Variants in DPT observed in about 807,000 individuals in gnomAD.
DPT encodes dermatopontin.
DPT carries 21 observed loss-of-function variants against 31.2 expected under a neutral mutation model. The ratio of observed to expected loss-of-function variants is 0.67; its 90% confidence interval spans 0.48 to 0.97. The LOEUF (loss-of-function observed/expected upper bound fraction) is 0.97, where lower values mean the gene tolerates loss of function less well. Among genes scored for constraint, DPT ranks in the 50% least tolerant of loss-of-function variants. The pLI, the probability that DPT is intolerant of heterozygous loss-of-function variation, is 0.00. For synonymous variants in DPT, 91 were observed against 86.9 expected (o/e 1.05, Z -0.26); for missense variants, 262 against 258.8 (o/e 1.01, Z -0.08).
At chr1:168,721,155 T>C (rs1196798819) in intron 1 of DPT, among the ~76,000 whole-genome samples, 1 of 152,296 alleles carries the variant, frequency 6.6e-6, no homozygotes, top group East Asian at 1.9e-4. Context: ...AGTGGAGCAG[T>C]GAAGTGGCAA....
chr1:168,710,216 G>T (rs2101904292), intron 2 of DPT, among the ~76,000 whole-genome samples: 1 of 152,288 alleles, frequency 6.6e-6, no homozygotes, highest in Non-Finnish European at 1.5e-5. Flanking sequence ...ATCTTGTTCT[G>T]CTGCTTCTCC....
intron 2 of DPT, among the ~76,000 whole-genome samples, chr1:168,701,583 T>C (rs1049163671): frequency 6.6e-6 from 1 of 152,236 alleles, no homozygotes; most frequent in African/African-American, 2.4e-5. Flanking sequence ...AGTCTATGTA[T>C]GTAAACATTT....
intron 1 of DPT, among the ~76,000 whole-genome samples, chr1:168,725,215 A>T (rs7365537): frequency 1.2e-3 from 137 of 110,746 alleles, no homozygotes; most frequent in African/African-American, 3.1e-3. Context: ...TTTCCTTTCC[A>T]TTCCTTTCCT....
At chr1:168,713,563 C>CA (rs1318528297) in intron 2 of DPT, among the ~76,000 whole-genome samples, 1 of 152,186 alleles carries the variant, frequency 6.6e-6, no homozygotes, top group Non-Finnish European at 1.5e-5. Flanking sequence ...GTGTTATCAA[C>CA]ACCCAGTGTA....
At chr1:168,719,419 T>A (rs1194620042) in intron 1 of DPT, among the ~76,000 whole-genome samples, 1 of 152,194 alleles carries the variant, frequency 6.6e-6, no homozygotes, top group Non-Finnish European at 1.5e-5. Context: ...AACTTCTAAA[T>A]GGAACAGGAC....
intron 3 of DPT, among the ~76,000 whole-genome samples, chr1:168,697,988 A>G (rs1434141180): frequency 6.6e-6 from 1 of 152,154 alleles, no homozygotes; most frequent in Non-Finnish European, 1.5e-5. Flanking sequence ...TCCATATTTA[A>G]TTATGCAAAT....
intron 1 of DPT, among the ~76,000 whole-genome samples, chr1:168,721,046 T>C (rs1029272761): frequency 2.0e-5 from 3 of 152,202 alleles, no homozygotes; most frequent in African/African-American, 7.2e-5. Flanking sequence ...TACCAGACAC[T>C]GTAACTGATA....
chr1:168,726,241 C>T (rs1057306414), intron 1 of DPT, among the ~76,000 whole-genome samples: 1 of 152,184 alleles, frequency 6.6e-6, no homozygotes, highest in African/African-American at 2.4e-5. Flanking sequence ...AGGTATCTCG[C>T]CTATCAGCTT....
intron 3 of DPT, 107 bp downstream of exon 3, chr1:168,700,910 T>C (rs554728630): frequency 1.2e-5 from 6 of 517,556 alleles, no homozygotes; most frequent in African/African-American, 9.3e-5. Flanking sequence ...TGTGTGTGGG[T>C]GTGTGTGTGT....
intron 2 of DPT, among the ~76,000 whole-genome samples, chr1:168,707,906 C>T (rs1408191184): frequency 3.3e-5 from 5 of 152,122 alleles, no homozygotes; most frequent in Non-Finnish European, 7.4e-5. Context: ...TACCCAGTCT[C>T]GGGTATGTCT....
intron 1 of DPT, among the ~76,000 whole-genome samples, chr1:168,718,410 A>C (rs1650033342): frequency 6.6e-6 from 1 of 152,220 alleles, no homozygotes; most frequent in Non-Finnish European, 1.5e-5. Flanking sequence ...TGTGAAGATT[A>C]TTTGGACCCT....
intron 3 of DPT, 128 bp from the exon 4 acceptor site, chr1:168,696,743 T>C: frequency 1.3e-6 from 1 of 784,114 alleles, no homozygotes. Context: ...TAATCTCACT[T>C]TGCTCTTAGA....
intron 1 of DPT, among the ~76,000 whole-genome samples, chr1:168,724,521 T>C (rs1280081793): frequency 6.6e-6 from 1 of 152,158 alleles, no homozygotes; most frequent in African/African-American, 2.4e-5. Context: ...ATGAAGCTTA[T>C]ATTTTAGTGA....
chr1:168,700,163 TA>T (rs1262313161), intron 3 of DPT, among the ~76,000 whole-genome samples: 1 of 152,112 alleles, frequency 6.6e-6, no homozygotes, highest in African/African-American at 2.4e-5. Context: ...GAGGAGCCTT[TA>T]GGGGGGTGAT....
chr1:168,711,271 C>A (rs528850035), intron 2 of DPT, among the ~76,000 whole-genome samples: 1 of 151,852 alleles, frequency 6.6e-6, no homozygotes, highest in Non-Finnish European at 1.5e-5. Context: ...CTGCCCACTT[C>A]GGCCTCCCAA....
At chr1:168,703,431 A>T (rs1204641885) in intron 2 of DPT, among the ~76,000 whole-genome samples, 3 of 152,214 alleles carry the variant, frequency 2.0e-5, no homozygotes, top group African/African-American at 7.2e-5. Flanking sequence ...GCTTTCTTTA[A>T]TTAGGATTCT....
intron 2 of DPT, among the ~76,000 whole-genome samples, chr1:168,710,805 A>G (rs769995860): frequency 3.3e-5 from 5 of 152,140 alleles, no homozygotes; most frequent in Non-Finnish European, 7.4e-5. Context: ...AACTGGAAAC[A>G]CAAAGACCTG....
intron 2 of DPT, among the ~76,000 whole-genome samples, chr1:168,707,026 C>G (rs953166951): frequency 3.3e-5 from 5 of 152,174 alleles, no homozygotes; most frequent in African/African-American, 1.2e-4. Context: ...TGTAATATTT[C>G]ACCTGTAGAA....
intron 1 of DPT, among the ~76,000 whole-genome samples, chr1:168,716,955 G>A (rs745702568): frequency 1.3e-5 from 2 of 152,194 alleles, no homozygotes; most frequent in South Asian, 2.1e-4. Context: ...AGTCTATCAC[G>A]GATGGGCATT....
Sources: allele counts gnomAD v4.1 joint callset (sites outside exome capture counted in the v4.1 genomes callset), GRCh38; gene constraint gnomAD v4.1.1; transcripts MANE v1.5; gene names NCBI Gene and HGNC (gene_info 2026-07-23, HGNC 2026-07-21).